PTPRE: variants seen among roughly 807,000 people sequenced by gnomAD.
PTPRE encodes protein tyrosine phosphatase receptor type E, also known as receptor-type tyrosine-protein phosphatase epsilon.
Under a neutral mutation model 102.0 loss-of-function variants are expected in PTPRE, and 51 were observed. That is an observed-to-expected ratio of 0.50 (90% CI 0.40 to 0.63). The LOEUF (loss-of-function observed/expected upper bound fraction) is 0.63. Among genes scored for constraint, PTPRE ranks in the 30% least tolerant of loss-of-function variants. The pLI is 0.00. For synonymous variants in PTPRE, 345 were observed against 348.2 expected (o/e 0.99, Z 0.10); for missense variants, 752 against 915.1 (o/e 0.82, Z 2.30).
intron 2 of PTPRE, among the ~76,000 whole-genome samples, chr10:128,002,724 A>G (rs1440285058): frequency 2.6e-5 from 2 of 77,306 alleles, no homozygotes; most frequent in Admixed American, 2.2e-4. Flanking sequence ...TTTTTTTGAG[A>G]CAGGGTCTTG....
intron 1 of PTPRE, among the ~76,000 whole-genome samples, chr10:127,954,560 C>T (rs762039186): frequency 1.8e-4 from 28 of 152,162 alleles, no homozygotes; most frequent in Non-Finnish European, 2.8e-4. Context: ...TGGGCTCATG[C>T]TCGTGGAATT....
intron 1 of PTPRE, among the ~76,000 whole-genome samples, chr10:127,961,807 A>G (rs1050010722): frequency 3.3e-5 from 5 of 152,162 alleles, no homozygotes; most frequent in Non-Finnish European, 7.4e-5. Context: ...CAGCACTGAG[A>G]ACCCAGGCTG....
At chr10:127,989,195 T>C (rs1852393924) in intron 2 of PTPRE, among the ~76,000 whole-genome samples, 1 of 151,864 alleles carries the variant, frequency 6.6e-6, no homozygotes, top group African/African-American at 2.4e-5. Flanking sequence ...TATATTATAT[T>C]TTACATATAC....
At chr10:128,063,005 G>A (rs1849746163) in intron 9 of PTPRE, 78 bp from the exon 10 acceptor site, 14 of 1,589,834 alleles carry the variant, frequency 8.8e-6, no homozygotes, top group Middle Eastern at 1.7e-4. Context: ...AGGGGCCAAC[G>A]GCCAGGGTGC....
intron 1 of PTPRE, among the ~76,000 whole-genome samples, chr10:127,912,551 T>G (rs192999677): frequency 1.3e-5 from 2 of 152,270 alleles, no homozygotes; most frequent in Admixed American, 1.3e-4. Context: ...CTTAGTTATG[T>G]GCTAAAAACC....
intron 12 of PTPRE, 161 bp from the exon 13 acceptor site, chr10:128,069,531 C>A: frequency 1.1e-6 from 1 of 919,222 alleles, no homozygotes. Flanking sequence ...TTTACTGAGA[C>A]CACAGCTCCC....
intron 5 of PTPRE, among the ~76,000 whole-genome samples, chr10:128,048,129 T>C (rs1848254489): frequency 6.6e-6 from 1 of 152,220 alleles, no homozygotes; most frequent in African/African-American, 2.4e-5. Flanking sequence ...ATGTAACACT[T>C]TTCAGTGAGG....
chr10:128,005,791 G>T (rs1042259862), intron 2 of PTPRE, among the ~76,000 whole-genome samples: 1 of 152,208 alleles, frequency 6.6e-6, no homozygotes, highest in Admixed American at 6.5e-5. Flanking sequence ...TGGTCCCGCA[G>T]TTCCGGAGGC....
intron 1 of PTPRE, among the ~76,000 whole-genome samples, chr10:127,928,262 C>T (rs965677742): frequency 1.3e-5 from 2 of 152,124 alleles, no homozygotes; most frequent in African/African-American, 4.8e-5. Flanking sequence ...AACACAGAAA[C>T]GTTCTCTGAT....
At chr10:128,007,596 T>G (rs954963086) in intron 2 of PTPRE, among the ~76,000 whole-genome samples, 8 of 152,252 alleles carry the variant, frequency 5.3e-5, no homozygotes, top group African/African-American at 1.9e-4. Context: ...TTCCCACGTC[T>G]TATGAGCTAT....
At position 128,047,464 on chromosome 10, in the gene PTPRE, C is replaced by T; in HGVS notation, c.184C>T (p.Leu62Phe). The T allele has an allele frequency of 6.2e-7, 1 of 1,613,454 alleles. No individual in the cohort carries two copies. The highest frequency in any genetic ancestry group is 1.1e-5 in the South Asian group (1 of 91,068). Residue 62 changes from leucine (L) to phenylalanine (F), a missense_variant, in exon 4 of 21, where the codon CTC becomes TTC. Physicochemically the swap from Leu to Phe is conservative, Grantham distance 22 (BLOSUM62 0). Transcript: ENST00000254667. The stretch of plus-strand genomic sequence containing the variant: ...GCCGCTGCTGCTCCTCCTCCTCGTG[C>T]TCCTTCTCGCCGCCTACTTCTTCAG... Reference protein sequence around the residue: ...LLPLLLLLLVLLLAAYFFRFR... With the variant: ...LLPLLLLLLVFLLAAYFFRFR...
chr10:128,056,239 T>C (rs1299329362), intron 7 of PTPRE, 26 bp downstream of exon 7: 1 of 1,562,672 alleles, frequency 6.4e-7, no homozygotes, highest in Non-Finnish European at 8.8e-7. Context: ...ATGTTTTGCA[T>C]GATCAATGGT....
intron 1 of PTPRE, among the ~76,000 whole-genome samples, chr10:127,962,262 C>A (rs2135392711): frequency 6.6e-6 from 1 of 152,154 alleles, no homozygotes; most frequent in East Asian, 1.9e-4. Context: ...CCAGGTACCA[C>A]TCCCTGAACC....
At chr10:128,035,284 C>T (rs1036259956) in intron 2 of PTPRE, among the ~76,000 whole-genome samples, 39 of 151,300 alleles carry the variant, frequency 2.6e-4, no homozygotes, top group East Asian at 1.6e-3. Flanking sequence ...TATATATATA[C>T]ACACACACAC....
intron 1 of PTPRE, among the ~76,000 whole-genome samples, chr10:127,913,227 G>A (rs1409705422): frequency 6.6e-6 from 1 of 152,208 alleles, no homozygotes; most frequent in African/African-American, 2.4e-5. Flanking sequence ...CCAGGGGACC[G>A]GAATCAAAGG....
At chr10:128,054,248 G>A (rs1848775205) in intron 6 of PTPRE, among the ~76,000 whole-genome samples, 1 of 152,116 alleles carries the variant, frequency 6.6e-6, no homozygotes, top group South Asian at 2.1e-4. Flanking sequence ...GTTACTAGCA[G>A]AAGTCCACAC....
Position 128,008,864 on chromosome 10 carries a change from A to G in PTPRE, c.-8+26568A>G, listed in dbSNP as rs533966788. On this transcript the variant is annotated intron_variant, in intron 2 of 20. Coordinates refer to ENST00000254667, the MANE Select transcript of PTPRE (RefSeq NM_006504.6). The surrounding 1 kb of genome is among the most constrained non-coding windows in gnomAD (Gnocchi z 4.0). Reference sequence around the variant, plus strand: ...ACTGATGAATGCAGCCAGTCAGTCAATCAACAAACCTGCATGAATTCAGTG... The same window carrying G: ...ACTGATGAATGCAGCCAGTCAGTCAGTCAACAAACCTGCATGAATTCAGTG... Among the ~76,000 whole-genome samples the G allele has an allele frequency of 5.3e-5, 8 of 152,334 alleles. No homozygotes were observed. In the East Asian group the frequency reaches 1.3e-3, roughly 26 times the overall value.
At chr10:127,961,684 G>A (rs1309497958) in intron 1 of PTPRE, among the ~76,000 whole-genome samples, 1 of 152,176 alleles carries the variant, frequency 6.6e-6, no homozygotes, top group Non-Finnish European at 1.5e-5. Context: ...CCTTTACTGT[G>A]TGACTCTCCC....
intron 1 of PTPRE, among the ~76,000 whole-genome samples, chr10:127,922,563 C>T (rs981721221): frequency 2.0e-5 from 3 of 152,228 alleles, no homozygotes; most frequent in African/African-American, 7.2e-5. Flanking sequence ...AGGGGCCTGT[C>T]ATCCAAGTGG....
Sources: allele counts gnomAD v4.1 joint callset (sites outside exome capture counted in the v4.1 genomes callset), GRCh38; gene constraint gnomAD v4.1.1; non-coding constraint Gnocchi (gnomAD v3.1); transcripts MANE v1.5; gene names NCBI Gene and HGNC (gene_info 2026-07-23, HGNC 2026-07-21).